SEC14L5: variants seen among roughly 807,000 people sequenced by gnomAD.
The protein encoded by SEC14L5 is SEC14-like protein 5.
A neutral mutation model predicts 84.6 loss-of-function variants in SEC14L5; 96 were observed. That is an observed-to-expected ratio of 1.13 (90% CI 0.96 to 1.34). The LOEUF (loss-of-function observed/expected upper bound fraction) is 1.34. SEC14L5 is among the 40% of genes most tolerant of loss of function. The pLI, the probability that SEC14L5 is intolerant of heterozygous loss-of-function variation, is 0.00. For missense variants in SEC14L5, 1,224 were observed against 942.5 expected (o/e 1.30, Z -3.91); for synonymous variants, 546 against 383.4 (o/e 1.42, Z -4.95).
At chr16:4,977,860 G>C (rs898287459) in intron 2 of SEC14L5, among the ~76,000 whole-genome samples, 1 of 151,532 alleles carries the variant, frequency 6.6e-6, no homozygotes, top group Non-Finnish European at 1.5e-5. Context: ...GAGTACAGTG[G>C]CATGATCTCG....
At position 4,993,265 on chromosome 16, in the gene SEC14L5, G is replaced by A. The variant is rs114518061; in HGVS notation, c.667+1235G>A. ...TTAATTAATTAATTATTTTTGAAGT[G>A]GAGTCTCACTGTGTCACCCAGGCTG... On this transcript the variant is annotated intron_variant, in intron 6 of 15. Coordinates refer to ENST00000251170, the MANE Select transcript of SEC14L5 (RefSeq NM_014692.2). Among the ~76,000 whole-genome samples the A allele has an allele frequency of 5.6e-3, 849 of 152,052 alleles. 12 individuals carry two copies. Among genetic ancestry groups the A allele is most frequent in the African/African-American group, 0.019 (804 of 41,486 alleles).
intron 2 of SEC14L5, among the ~76,000 whole-genome samples, chr16:4,980,058 A>G (rs1247159663): frequency 6.6e-6 from 1 of 150,932 alleles, no homozygotes; most frequent in African/African-American, 2.4e-5. Flanking sequence ...CAATCCCACC[A>G]CTCCCCGGCC....
intron 2 of SEC14L5, among the ~76,000 whole-genome samples, chr16:4,959,825 C>G (rs1955097281): frequency 6.6e-6 from 1 of 152,144 alleles, no homozygotes; most frequent in African/African-American, 2.4e-5. Context: ...CATGTAACCT[C>G]CATGAAACTG....
At position 5,017,113 on chromosome 16, in the gene SEC14L5, G is replaced by T. The variant is rs1259195094; in HGVS notation, c.*2143G>T. Reference sequence around the variant, plus strand: ...CCCTGGCAGTCTTTATACATTTATTGTCTAGCCCCAGAGAAGGACACAGAA... The same window carrying T: ...CCCTGGCAGTCTTTATACATTTATTTTCTAGCCCCAGAGAAGGACACAGAA... On this transcript the variant is annotated 3_prime_UTR_variant, in exon 16 of 16. Coordinates refer to ENST00000251170, the MANE Select transcript of SEC14L5 (RefSeq NM_014692.2). The T allele has an allele frequency of 6.6e-6, 1 of 150,906 alleles. No homozygotes were observed. The highest frequency in any genetic ancestry group is 6.6e-5 in the Admixed American group (1 of 15,054). The allele number at this position is 150,906 out of a possible 1,614,324, so 9.3% of individuals were successfully genotyped here. A position where few individuals can be genotyped will look rare whatever the true frequency, so the allele number is the denominator to read the frequency against.
Position 5,014,829 on chromosome 16 carries a change from G to C in SEC14L5, c.1980-30G>C, listed in dbSNP as rs769544980. On this transcript the variant is annotated intron_variant, in intron 15 of 15. Transcript: ENST00000251170. ...CCCAAGGGCCTTGTCACTGTGAGAG[G>C]GTAACGTGTGCCACGCCCTTCCTCC... is the stretch of plus-strand genomic sequence containing the variant. The C allele has an allele frequency of 6.6e-5, 103 of 1,549,150 alleles. No individual in the cohort carries two copies. In the South Asian group the frequency reaches 7.0e-4, roughly 11 times the overall value.
chr16:5,005,900 T>A lies in SEC14L5; in HGVS notation c.1303-14T>A. ...AAAAAAAACCATCCATCTTGCCTTA[T>A]GTCCTGGTTTCAGATCAGCCCCTTC... On this transcript the variant is annotated splice_polypyrimidine_tract_variant and intron_variant, in intron 11 of 15. Coordinates refer to ENST00000251170, the MANE Select transcript of SEC14L5 (RefSeq NM_014692.2). 6.5e-7 allele frequency: 1 copy of A among 1,527,066 alleles called. No homozygotes were observed. The highest frequency in any genetic ancestry group is 8.9e-7 in the Non-Finnish European group (1 of 1,126,030). 94.6% of individuals were successfully genotyped at this position (1,527,066 alleles called of 1,614,324 possible). A position where few individuals can be genotyped will look rare whatever the true frequency, so the allele number is the denominator to read the frequency against.
intron 2 of SEC14L5, among the ~76,000 whole-genome samples, chr16:4,985,825 A>G (rs906407864): frequency 6.6e-6 from 1 of 150,966 alleles, no homozygotes; most frequent in Non-Finnish European, 1.5e-5. Flanking sequence ...AACACCCTAT[A>G]TTTACATTGT....
At chr16:4,976,649 A>G (rs1323649999) in intron 2 of SEC14L5, among the ~76,000 whole-genome samples, 1 of 152,206 alleles carries the variant, frequency 6.6e-6, no homozygotes, top group African/African-American at 2.4e-5. Flanking sequence ...ATTTTCCAGG[A>G]TGGGGACCCG....
At chr16:4,972,176 A>G (rs1033453136) in intron 2 of SEC14L5, among the ~76,000 whole-genome samples, 1 of 152,022 alleles carries the variant, frequency 6.6e-6, no homozygotes, top group East Asian at 1.9e-4. Flanking sequence ...TAATTTTAAA[A>G]TATTTTGTGG....
chr16:4,978,880 C>T (rs1226599527), intron 2 of SEC14L5, among the ~76,000 whole-genome samples: 5 of 152,144 alleles, frequency 3.3e-5, no homozygotes, highest in South Asian at 2.1e-4. Flanking sequence ...GGATTACAGG[C>T]GTGAGCCACT....
At chr16:5,000,396 C>T (rs187128083) in intron 8 of SEC14L5, among the ~76,000 whole-genome samples, 3 of 152,258 alleles carry the variant, frequency 2.0e-5, no homozygotes, top group Admixed American at 6.5e-5. Context: ...CCTCTGCCCC[C>T]CAAAATGCTG....
At chr16:4,976,324 T>C (rs1485309981) in intron 2 of SEC14L5, among the ~76,000 whole-genome samples, 1 of 152,192 alleles carries the variant, frequency 6.6e-6, no homozygotes, top group African/African-American at 2.4e-5. Context: ...CAGAGCCCAC[T>C]CTCTTAAGGG....
chr16:4,983,695 G>T (rs2142498450), intron 2 of SEC14L5, among the ~76,000 whole-genome samples: 1 of 151,862 alleles, frequency 6.6e-6, no homozygotes, highest in East Asian at 1.9e-4. Flanking sequence ...TGACCAACAT[G>T]GTGAAACCCC....
At chr16:4,987,310 G>C (rs145552968) in intron 2 of SEC14L5, among the ~76,000 whole-genome samples, 1 of 152,048 alleles carries the variant, frequency 6.6e-6, no homozygotes, top group East Asian at 1.9e-4. Context: ...CCTTCTGAGG[G>C]CAAAAACTCA....
intron 15 of SEC14L5, among the ~76,000 whole-genome samples, chr16:5,012,851 C>T (rs544945330): frequency 1.7e-4 from 26 of 150,904 alleles, no homozygotes; most frequent in African/African-American, 5.6e-4. Flanking sequence ...GCTGAGATCG[C>T]GCCACTGCAC....
In SEC14L5 at chr16:5,016,529, C is replaced by G. The variant is rs115006768; in HGVS notation, c.*1559C>G. 8 of 152,326 alleles carry G rather than the reference C, an allele frequency of 5.3e-5. No individual in the cohort carries two copies. Among genetic ancestry groups the G allele is most frequent in the African/African-American group, 1.4e-4 (6 of 41,572 alleles). The allele number at this position is 152,326 out of a possible 1,614,324, so 9.4% of individuals were successfully genotyped here. On this transcript the variant is annotated 3_prime_UTR_variant, in exon 16 of 16. Coordinates refer to ENST00000251170, the MANE Select transcript of SEC14L5 (RefSeq NM_014692.2). Reference sequence around the variant, plus strand: ...CGCCAGTCCCTACCCCATTGACTTGCGCCCAGCCCACATTACACATCCTCA... The same window carrying G: ...CGCCAGTCCCTACCCCATTGACTTGGGCCCAGCCCACATTACACATCCTCA...
At chr16:5,007,606 C>CTTTCT (rs1955746361) in intron 13 of SEC14L5, 120 bp downstream of exon 13, 13 of 562,858 alleles carry the variant, frequency 2.3e-5, no homozygotes, top group African/African-American at 1.2e-4. Context: ...TTCTTTCTTT[C>CTTTCT]TTTTTTTTTT....
At chr16:5,010,787 G>T (rs927222487) in intron 14 of SEC14L5, 3 of 360,874 alleles carry the variant, frequency 8.3e-6, no homozygotes, top group African/African-American at 6.1e-5. Context: ...ATCCCACTCA[G>T]CAGAGCAAAA....
intron 2 of SEC14L5, among the ~76,000 whole-genome samples, chr16:4,971,231 A>C (rs1466189742): frequency 6.6e-6 from 1 of 152,196 alleles, no homozygotes; most frequent in African/African-American, 2.4e-5. Context: ...CTAAGGCAAG[A>C]GGATTGTTTG....
Sources: gnomAD v4.1 joint callset for allele counts (sites outside exome capture counted in the v4.1 genomes callset) on GRCh38, gnomAD v4.1.1 for gene constraint, MANE v1.5 for transcripts, NCBI Gene and HGNC (gene_info 2026-07-23, HGNC 2026-07-21) for gene names.